Variants in CDKN2B-AS1 observed in about 807,000 individuals in gnomAD.
CDKN2B-AS1 encodes the protein CDKN2B and CDKN2A antisense cis and trans regulatory RNA 1, also known as CDKN2B antisense RNA 1 (non-protein coding).
rs1821142225 is a variant in CDKN2B-AS1 at position 22,005,783 on chromosome 9, G to A, written n.29+10622G>A. On this transcript the variant is annotated intron_variant and non_coding_transcript_variant, in intron 1 of 4. Transcript: ENST00000650946. The surrounding 1 kb of genome is among the most constrained non-coding windows in gnomAD (Gnocchi z 4.9). The stretch of plus-strand genomic sequence containing the variant: ...TTCTCTGTGTTTCGCTTCATGGTGA[G>A]TGTCGAGGGCCAGATAAGACAAAGA... 1.5e-6 allele frequency: 1 copy of A among 648,528 alleles called. No individual in the cohort carries two copies. The highest frequency in any genetic ancestry group is 2.7e-6 in the Non-Finnish European group (1 of 371,066). 40.2% of individuals were successfully genotyped at this position (648,528 alleles called of 1,614,324 possible).
chr9:22,067,480 G>A (rs1587484967), intron 4 of CDKN2B-AS1, among the ~76,000 whole-genome samples: 1 of 151,998 alleles, frequency 6.6e-6, no homozygotes, highest in African/African-American at 2.4e-5. Flanking sequence ...GCACCAAAAT[G>A]TGTTATTGTC....
Position 22,065,402 on chromosome 9 carries a change from G to C in CDKN2B-AS1, n.438+9015G>C, listed in dbSNP as rs915292295. Reference sequence around the variant, plus strand: ...GACAATAAAGTAACCACTAGACTTTGAGAATTGCAGTTTTACATTGTCTAG... The same window carrying C: ...GACAATAAAGTAACCACTAGACTTTCAGAATTGCAGTTTTACATTGTCTAG... On this transcript the variant is annotated intron_variant and non_coding_transcript_variant, in intron 4 of 4. Transcript: ENST00000650946. Among the ~76,000 whole-genome samples the C allele has an allele frequency of 2.5e-4, 38 of 152,186 alleles. 1 individual carries two copies. The highest frequency in any genetic ancestry group is 3.2e-3 in the Middle Eastern group (1 of 316).
At chr9:22,024,381 GC>G in intron 1 of CDKN2B-AS1, among the ~76,000 whole-genome samples, 1 of 152,218 alleles carries the variant, frequency 6.6e-6, no homozygotes, top group Non-Finnish European at 1.5e-5. Flanking sequence ...CTCCCTGCAG[GC>G]ATTCACCATG....
At chr9:22,018,302 T>A (rs1334342130) in intron 1 of CDKN2B-AS1, among the ~76,000 whole-genome samples, 1 of 151,294 alleles carries the variant, frequency 6.6e-6, no homozygotes, top group Non-Finnish European at 1.5e-5. Flanking sequence ...GACTTTTTTT[T>A]TTTTAATTGT....
At chr9:22,053,352 T>C (rs991735412) in intron 3 of CDKN2B-AS1, among the ~76,000 whole-genome samples, 1 of 152,212 alleles carries the variant, frequency 6.6e-6, no homozygotes, top group Non-Finnish European at 1.5e-5. Context: ...TGATTAGTTT[T>C]AGAAGACAGT....
At chr9:22,018,561 G>A (rs896396767) in intron 1 of CDKN2B-AS1, among the ~76,000 whole-genome samples, 5 of 152,182 alleles carry the variant, frequency 3.3e-5, no homozygotes, top group African/African-American at 1.2e-4. Context: ...GGAGGCTGAG[G>A]GAGGAGAATC....
chr9:22,010,846 A>G (rs948987501), intron 1 of CDKN2B-AS1, among the ~76,000 whole-genome samples: 2 of 152,206 alleles, frequency 1.3e-5, no homozygotes, highest in African/African-American at 4.8e-5. Flanking sequence ...AGATAGTCTG[A>G]CCCAATTCTT....
chr9:22,121,134 A>G (rs1372609836), intron 4 of CDKN2B-AS1: 1 of 152,110 alleles, frequency 6.6e-6, no homozygotes, highest in Admixed American at 6.6e-5. Flanking sequence ...TTTTCACCCC[A>G]TAACACATAA....
intron 4 of CDKN2B-AS1, among the ~76,000 whole-genome samples, chr9:22,098,123 A>T (rs1825346855): frequency 6.6e-6 from 1 of 151,744 alleles, no homozygotes. Context: ...CAGAATGTTG[A>T]TAATGTAGAT....
At chr9:22,108,512 G>A (rs888881872) in intron 4 of CDKN2B-AS1, among the ~76,000 whole-genome samples, 5 of 152,148 alleles carry the variant, frequency 3.3e-5, no homozygotes, top group African/African-American at 1.2e-4. Flanking sequence ...TTACACCAGT[G>A]CAAAATCATA....
intron 1 of CDKN2B-AS1, among the ~76,000 whole-genome samples, chr9:22,015,816 G>A (rs1010138864): frequency 2.6e-5 from 4 of 152,060 alleles, no homozygotes; most frequent in Non-Finnish European, 5.9e-5. Context: ...ATCTCATTGT[G>A]GTTTTGATTT....
intron 4 of CDKN2B-AS1, among the ~76,000 whole-genome samples, chr9:22,059,861 C>G (rs1008862199): frequency 2.0e-5 from 3 of 152,216 alleles, no homozygotes; most frequent in African/African-American, 7.2e-5. Context: ...TGGAAGCTGC[C>G]AAGGCTTGGG....
At chr9:22,017,571 T>C (rs1471834275) in intron 1 of CDKN2B-AS1, among the ~76,000 whole-genome samples, 1 of 152,242 alleles carries the variant, frequency 6.6e-6, no homozygotes, top group African/African-American at 2.4e-5. Flanking sequence ...AAAGTTATTA[T>C]ATTTAGTTCA....
chr9:22,052,964 C>T (rs530770509), intron 3 of CDKN2B-AS1, among the ~76,000 whole-genome samples: 9 of 152,250 alleles, frequency 5.9e-5, no homozygotes, highest in East Asian at 1.9e-4. Flanking sequence ...GCTGAACTGG[C>T]GCCAGCATTA....
At chr9:22,032,226 A>C (rs1822507863) in intron 1 of CDKN2B-AS1, among the ~76,000 whole-genome samples, 1 of 152,262 alleles carries the variant, frequency 6.6e-6, no homozygotes, top group Admixed American at 6.5e-5. Flanking sequence ...GATTCAGTGG[A>C]GGTAGAATCA....
At chr9:22,009,162 T>G in intron 1 of CDKN2B-AS1, 1 of 678,458 alleles carries the variant, frequency 1.5e-6, no homozygotes, top group Non-Finnish European at 2.5e-6. Context: ...GGGCTTTTCC[T>G]GGCGCTCAAG....
intron 4 of CDKN2B-AS1, among the ~76,000 whole-genome samples, chr9:22,077,016 G>A (rs1824521252): frequency 2.0e-5 from 3 of 152,188 alleles, no homozygotes; most frequent in Non-Finnish European, 4.4e-5. Flanking sequence ...ATAGTTGGCA[G>A]GTTGGGCATT....
intron 3 of CDKN2B-AS1, among the ~76,000 whole-genome samples, chr9:22,055,591 A>T (rs1823526860): frequency 6.6e-6 from 1 of 152,172 alleles, no homozygotes; most frequent in Admixed American, 6.5e-5. Flanking sequence ...AAAAAATATA[A>T]CTTTAAAAAA....
At chr9:22,022,149 G>T (rs947591780) in intron 1 of CDKN2B-AS1, among the ~76,000 whole-genome samples, 1 of 151,810 alleles carries the variant, frequency 6.6e-6, no homozygotes, top group African/African-American at 2.4e-5. Context: ...TCACTGGAGA[G>T]TTTTGTATAT....
Sources: gnomAD v4.1 joint callset for allele counts (sites outside exome capture counted in the v4.1 genomes callset) on GRCh38, gnomAD v4.1.1 for gene constraint, Gnocchi (gnomAD v3.1) non-coding constraint, MANE v1.5 for transcripts, NCBI Gene and HGNC (gene_info 2026-07-23, HGNC 2026-07-21) for gene names.